The following PTK7 variants were observed in gnomAD, a reference collection of about 807,000 sequenced individuals.
The protein encoded by PTK7 is inactive tyrosine-protein kinase 7.
Under a neutral mutation model 116.6 loss-of-function variants are expected in PTK7, and 39 were observed. The observed-to-expected ratio is 0.33, with a 90% confidence interval of 0.26 to 0.44. The LOEUF is 0.44. Ranked by LOEUF, PTK7 falls within the 20% of genes least tolerant of loss-of-function variation. The pLI, the probability that PTK7 is intolerant of heterozygous loss-of-function variation, is 1.00. For missense variants in PTK7, 1,169 were observed against 1,425.6 expected, an observed-to-expected ratio of 0.82 and a Z score of 2.90; for synonymous variants, 546 against 563.6, an observed-to-expected ratio of 0.97 and a Z score of 0.44.
At chr6:43,155,333 A>G (rs1056386691) in intron 17 of PTK7, among the ~76,000 whole-genome samples, 1 of 152,106 alleles carries the variant, frequency 6.6e-6, no homozygotes, top group Non-Finnish European at 1.5e-5. Context: ...TGTTCAGTGC[A>G]TTAATACATA....
chr6:43,118,715 A>G (rs1768756689), intron 1 of PTK7, among the ~76,000 whole-genome samples: 2 of 142,830 alleles, frequency 1.4e-5, no homozygotes, highest in African/African-American at 5.2e-5. Context: ...GTCTGTATAT[A>G]TACGTATATA....
At chr6:43,123,167 A>G (rs1769064173) in intron 1 of PTK7, among the ~76,000 whole-genome samples, 1 of 151,686 alleles carries the variant, frequency 6.6e-6, no homozygotes, top group African/African-American at 2.4e-5. Flanking sequence ...ATGTTGGCCA[A>G]GCTGGTCTCA....
intron 17 of PTK7, among the ~76,000 whole-genome samples, chr6:43,148,342 T>C (rs1704176537): frequency 6.6e-6 from 1 of 152,176 alleles, no homozygotes; most frequent in African/African-American, 2.4e-5. Flanking sequence ...GTATGACCTG[T>C]GCCTTACAGA....
At chr6:43,137,909 C>T (rs996297120) in intron 7 of PTK7, among the ~76,000 whole-genome samples, 5 of 152,104 alleles carry the variant, frequency 3.3e-5, no homozygotes, top group African/African-American at 1.2e-4. Flanking sequence ...CAGGTTCAAG[C>T]GATTCTTGTG....
chr6:43,109,888 C>T (rs954632033), intron 1 of PTK7, among the ~76,000 whole-genome samples: 16 of 151,820 alleles, frequency 1.1e-4, no homozygotes, highest in Middle Eastern at 3.4e-3. Flanking sequence ...TTAGTAGAGA[C>T]GGGGTTTCAC....
chr6:43,133,244 A>G (rs1264182036), intron 7 of PTK7: 1 of 163,204 alleles, frequency 6.1e-6, no homozygotes, highest in Non-Finnish European at 1.3e-5. Context: ...AGAGGGGGAG[A>G]AAAGCAAGAC....
intron 1 of PTK7, among the ~76,000 whole-genome samples, chr6:43,104,168 T>C (rs1350925940): frequency 6.6e-6 from 1 of 152,184 alleles, no homozygotes; most frequent in Non-Finnish European, 1.5e-5. Flanking sequence ...TTTCTGATCT[T>C]ATTAATTACA....
chr6:43,157,485 C>T (rs1349489829), intron 17 of PTK7, among the ~76,000 whole-genome samples: 2 of 138,498 alleles, frequency 1.4e-5, no homozygotes, highest in East Asian at 2.4e-4. Context: ...GCTGGGATTA[C>T]AGGCATGAGT....
intron 1 of PTK7, among the ~76,000 whole-genome samples, chr6:43,104,926 T>C (rs561091392): frequency 1.2e-3 from 181 of 150,876 alleles, no homozygotes; most frequent in African/African-American, 4.1e-3. Flanking sequence ...CATTCTCCTG[T>C]CTCAGCCTCT....
chr6:43,077,363 C>T (rs184563371), intron 1 of PTK7, among the ~76,000 whole-genome samples: 14 of 152,232 alleles, frequency 9.2e-5, no homozygotes, highest in African/African-American at 3.4e-4. Context: ...TGACTGTCCT[C>T]ACAGAGGAAA....
intron 17 of PTK7, among the ~76,000 whole-genome samples, chr6:43,157,350 ATATATATATATATATTTTTTTTTTTCTTT>A (rs1192455307): frequency 0.1 from 544 of 5,460 alleles, 32 homozygotes; most frequent in African/African-American, 0.22. Context: ...ATATATATAT[ATATATATATATATATTTTTTTTTTTCTTT>A]TTTTTTTTTT....
chr6:43,081,578 T>C (rs187270790), intron 1 of PTK7, among the ~76,000 whole-genome samples: 1 of 152,056 alleles, frequency 6.6e-6, no homozygotes, highest in Admixed American at 6.6e-5. Context: ...CTAATTTTTG[T>C]ATTTTTAATA....
Position 43,160,778 on chromosome 6 carries a change from A to G in PTK7, c.3110A>G (p.Tyr1037Cys). The change falls in exon 20 of 20, where the codon TAT becomes TGT. Residue 1037 changes from tyrosine to cysteine, a missense_variant. This residue lies in a region of PTK7 where 678 missense variants were observed against 853.8 expected (regional missense o/e 0.79). Transcript: ENST00000230419. ...CCCGAGGGCTGCCCTTCCAAACTCT[A>G]TCGGCTGATGCAGCGCTGCTGGGCC... ...PQPEGCPSKL[Y>C]RLMQRCWALS... The G allele has an allele frequency of 6.2e-7, 1 of 1,614,212 alleles. No individual in the cohort carries two copies. The highest frequency in any genetic ancestry group is 1.1e-5 in the South Asian group (1 of 91,086).
chr6:43,123,839 T>G (rs995729479), intron 1 of PTK7, among the ~76,000 whole-genome samples: 10 of 152,194 alleles, frequency 6.6e-5, no homozygotes, highest in Non-Finnish European at 1.5e-4. Flanking sequence ...AGCAGCACCC[T>G]CTGCGTTTTG....
intron 17 of PTK7, among the ~76,000 whole-genome samples, chr6:43,156,936 GAA>G (rs36001800): frequency 0.025 from 3,382 of 137,952 alleles, 134 homozygotes; most frequent in African/African-American, 0.082. Context: ...ACAATGTTGT[GAA>G]AAAAAAAAAA....
At position 43,158,937 on chromosome 6, in the gene PTK7, G is replaced by T. The variant is rs1486797588; in HGVS notation, c.2842G>T (p.Ala948Ser). ...VSAQRQVKVSALGLSKDVYNS... is the reference protein window; with the variant it reads ...VSAQRQVKVSSLGLSKDVYNS... ...TGCCCAGAGACAAGTGAAGGTGTCT[G>T]CCCTGGGCCTCAGCAAGGATGTGTA... The change falls in exon 18 of 20, where the codon GCC becomes TCC. Residue 948 changes from alanine (A) to serine (S), a missense_variant. Around this residue, in one of 3 missense-constraint regions of PTK7, gnomAD observed 678 missense variants for 853.8 expected, o/e 0.79. Coordinates refer to ENST00000230419, the MANE Select transcript of PTK7 (RefSeq NM_002821.5). 1 of 1,614,186 alleles carries T rather than the reference G, an allele frequency of 6.2e-7. No individual in the cohort carries two copies. Among genetic ancestry groups the T allele is most frequent in the South Asian group, 1.1e-5 (1 of 91,088 alleles).
chr6:43,103,643 C>A (rs551601706), intron 1 of PTK7, among the ~76,000 whole-genome samples: 2 of 152,264 alleles, frequency 1.3e-5, no homozygotes, highest in African/African-American at 4.8e-5. Flanking sequence ...CAGTTACATC[C>A]CCCTTTACCT....
intron 1 of PTK7, among the ~76,000 whole-genome samples, chr6:43,121,938 A>G (rs1328248810): frequency 6.6e-6 from 1 of 152,156 alleles, no homozygotes; most frequent in East Asian, 1.9e-4. Context: ...CCAGAAGTTC[A>G]GTACCAGCCT....
rs754754402 is a variant in PTK7 at position 43,130,331 on chromosome 6, G to A, written c.572G>A (p.Gly191Asp). ...KERNLTLRPA[G>D]PEHSGLYSCC... ...CGGAACCTGACGCTCCGGCCAGCTG[G>A]TCCTGAGCATAGTGGGCTGTATTCC... Residue 191 changes from glycine (G) to aspartate (D), a missense_variant, in exon 4 of 20, where the codon GGT becomes GAT. Around this residue, in one of 3 missense-constraint regions of PTK7, gnomAD observed 487 missense variants for 549.8 expected, o/e 0.89. Transcript: ENST00000230419. 3.7e-6 allele frequency: 6 copies of A among 1,612,824 alleles called. No homozygotes were observed. The East Asian group carries it at 6.7e-5, about 18-fold the overall frequency.
Sources: gnomAD v4.1 joint callset for allele counts (sites outside exome capture counted in the v4.1 genomes callset) on GRCh38, gnomAD v4.1.1 for gene constraint, gnomAD v4.1.1 regional missense constraint, MANE v1.5 for transcripts, NCBI Gene and HGNC (gene_info 2026-07-23, HGNC 2026-07-21) for gene names.